The following HUWE1 variants were observed in gnomAD, a reference collection of about 807,000 sequenced individuals.
HUWE1 encodes HECT, UBA and WWE domain containing E3 ubiquitin protein ligase 1.
Under a neutral mutation model 299.4 loss-of-function variants are expected in HUWE1, and 18 were observed. That is an observed-to-expected ratio of 0.06 (90% CI 0.04 to 0.09). The LOEUF (loss-of-function observed/expected upper bound fraction) is 0.09. HUWE1 is among the 10% of genes least tolerant of loss of function. The pLI, the probability that HUWE1 is intolerant of heterozygous loss-of-function variation, is 1.00. For synonymous variants in HUWE1, 1,317 were observed against 1,286.1 expected (o/e 1.02, Z -0.51); for missense variants, 1,832 against 3,462.3 (o/e 0.53, Z 11.82).
Position 53,549,457 on chromosome X carries a change from G to A in HUWE1, c.9537C>T (p.Leu3179=). Residue 3179 remains leucine (L), a synonymous_variant, in exon 67 of 84, where the codon CTC becomes CTT. Transcript: ENST00000262854. ...AAGAAAGGGCTTCGTGGTCCAGAAG[G>A]AGCCGTCCTCGGAGGCGGAGGAGAG... ...VDTLLRLRGR[L]LLDHEALSCL... is the part of the protein sequence containing the mutation. 1 of 1,211,077 alleles carries A rather than the reference G, an allele frequency of 8.3e-7. No homozygotes were observed. Among genetic ancestry groups the A allele is most frequent in the African/African-American group, 1.7e-5 (1 of 57,784 alleles).
chrX:53,552,616 T>TC (rs782072560), intron 62 of HUWE1, 22 bp downstream of exon 62: 1 of 1,211,773 alleles, frequency 8.3e-7, no homozygotes, highest in Non-Finnish European at 1.1e-6. Flanking sequence ...ATCCTACCCT[T>TC]CTTTTGCCCA....
intron 81 of HUWE1, among the ~76,000 whole-genome samples, chrX:53,535,074 C>T (rs950815460): frequency 2.7e-5 from 3 of 110,495 alleles, no homozygotes; most frequent in Admixed American, 9.6e-5. Flanking sequence ...GTAGCTGGGA[C>T]TACAGGCGCA....
At chrX:53,663,691 A>T (rs2069121417) in intron 3 of HUWE1, among the ~76,000 whole-genome samples, 1 of 111,333 alleles carries the variant, frequency 9.0e-6, no homozygotes, top group Non-Finnish European at 1.9e-5. Context: ...GGGACCATTT[A>T]GCCTCTATTT....
intron 28 of HUWE1, among the ~76,000 whole-genome samples, 164 bp from the exon 29 acceptor site, chrX:53,600,473 T>C (rs1556989302): frequency 8.9e-6 from 1 of 112,579 alleles, no homozygotes; most frequent in East Asian, 2.8e-4. Flanking sequence ...TTTACTGATA[T>C]GCTCCTCTGG....
chrX:53,542,278 T>C (rs1391225952), intron 74 of HUWE1, among the ~76,000 whole-genome samples, 165 bp downstream of exon 74: 1 of 112,160 alleles, frequency 8.9e-6, no homozygotes, highest in East Asian at 2.8e-4. Context: ...GAAAGAAAAG[T>C]GTGCCTTGGT....
intron 55 of HUWE1, 24 bp from the exon 56 acceptor site, chrX:53,560,440 G>A (rs181156323): frequency 5.9e-4 from 695 of 1,171,895 alleles, no homozygotes; most frequent in Non-Finnish European, 7.3e-4. Flanking sequence ...ATGTAAAAGG[G>A]TCAGTGTCAA....
chrX:53,619,158 G>A (rs782464996), intron 19 of HUWE1, among the ~76,000 whole-genome samples: 9 of 111,176 alleles, frequency 8.1e-5, no homozygotes, highest in African/African-American at 2.9e-4. Flanking sequence ...CAAATGCTAG[G>A]GGAATGGCAG....
At chrX:53,645,580 C>CA in intron 6 of HUWE1, 117 bp from the exon 7 acceptor site, 1 of 731,322 alleles carries the variant, frequency 1.4e-6, no homozygotes, top group South Asian at 2.4e-5. Context: ...CACAACAATA[C>CA]AAAAAATATA....
At chrX:53,585,480 A>C (rs899702023) in intron 39 of HUWE1, among the ~76,000 whole-genome samples, 1 of 110,107 alleles carries the variant, frequency 9.1e-6, no homozygotes, top group East Asian at 2.9e-4. Context: ...GGTCATGGGG[A>C]CTCCGCCCCT....
At chrX:53,683,031 G>T (rs1039112679) in intron 2 of HUWE1, among the ~76,000 whole-genome samples, 1 of 111,766 alleles carries the variant, frequency 8.9e-6, no homozygotes, top group African/African-American at 3.3e-5. Flanking sequence ...GGAAATGGAA[G>T]GCTACTATGG....
intron 22 of HUWE1, among the ~76,000 whole-genome samples, chrX:53,615,370 G>C (rs1394507451): frequency 9.2e-6 from 1 of 109,156 alleles, no homozygotes; most frequent in Admixed American, 9.8e-5. Context: ...TGGGACTACA[G>C]GCACACGCCA....
At chrX:53,598,747 G>C (rs1602994171) in intron 29 of HUWE1, among the ~76,000 whole-genome samples, 1 of 111,475 alleles carries the variant, frequency 9.0e-6, no homozygotes, top group African/African-American at 3.3e-5. Flanking sequence ...CTGACTGTGT[G>C]GAGGAGTTGC....
chrX:53,625,527 C>T (rs918828489), intron 17 of HUWE1: 1 of 273,490 alleles, frequency 3.7e-6, no homozygotes, highest in African/African-American at 2.7e-5. Context: ...TTTTACCTCA[C>T]TCAGTTCCCA....
intron 12 of HUWE1, 96 bp downstream of exon 12, chrX:53,630,839 T>C: frequency 3.6e-6 from 2 of 551,031 alleles, no homozygotes; most frequent in South Asian, 2.4e-5. Context: ...TAGGTAACTA[T>C]AATAGGACTC....
At chrX:53,635,521 T>C (rs1190670414) in intron 7 of HUWE1, among the ~76,000 whole-genome samples, 1 of 111,585 alleles carries the variant, frequency 9.0e-6, no homozygotes, top group Admixed American at 9.5e-5. Flanking sequence ...CCTTGCCATG[T>C]TGCCCAGGCT....
chrX:53,677,641 C>T (rs2069898687), intron 3 of HUWE1, among the ~76,000 whole-genome samples: 2 of 104,564 alleles, frequency 1.9e-5, no homozygotes, highest in African/African-American at 3.5e-5. Flanking sequence ...ACATGCCTCA[C>T]TATAAAATAG....
At chrX:53,600,499 A>T (rs1035379296) in intron 28 of HUWE1, among the ~76,000 whole-genome samples, 190 bp from the exon 29 acceptor site, 1 of 112,437 alleles carries the variant, frequency 8.9e-6, no homozygotes, top group Non-Finnish European at 1.9e-5. Flanking sequence ...TAAGTACCTA[A>T]TGCTGACATC....
At chrX:53,593,086 C>T (rs1556980867) in intron 32 of HUWE1, among the ~76,000 whole-genome samples, 1 of 112,278 alleles carries the variant, frequency 8.9e-6, no homozygotes, top group Admixed American at 9.4e-5. Context: ...CTGTGGGCCA[C>T]TTAAATATCT....
At position 53,600,183 on chromosome X, in the gene HUWE1, T is replaced by G. The variant is rs1556988878; in HGVS notation, c.3098A>C (p.Lys1033Thr). The G allele has an allele frequency of 2.2e-5, 27 of 1,209,731 alleles. No individual in the cohort carries two copies. The highest frequency in any genetic ancestry group is 3.0e-5 in the Non-Finnish European group (27 of 894,636). The change falls in exon 29 of 84, where the codon AAG becomes ACG. Residue 1033 changes from lysine (K) to threonine (T), a missense_variant. Lys to Thr is a moderately conservative substitution (Grantham distance 78). Coordinates refer to ENST00000262854, the MANE Select transcript of HUWE1 (RefSeq NM_031407.7). ...ETDEPTASDS[K>T]GKSKITPAMA... is the part of the protein sequence containing the mutation. ...TGCTGGTGTGATTTTAGATTTGCCC[T>G]TAGAGTCTGAAGCAGTAGGTTCATC...
Sources: gnomAD v4.1 joint callset for allele counts (sites outside exome capture counted in the v4.1 genomes callset) on GRCh38, gnomAD v4.1.1 for gene constraint, MANE v1.5 for transcripts, NCBI Gene and HGNC (gene_info 2026-07-23, HGNC 2026-07-21) for gene names.